Variants in EPM2A observed in about 807,000 individuals in gnomAD.
The protein encoded by EPM2A is EPM2A glucan phosphatase, laforin.
A neutral mutation model predicts 26.5 loss-of-function variants in EPM2A; 21 were observed. That is an observed-to-expected ratio of 0.79 (90% CI 0.56 to 1.14). EPM2A has a LOEUF of 1.14. EPM2A is among the 50% of genes most tolerant of loss of function. The pLI, the probability that EPM2A is intolerant of heterozygous loss-of-function variation, is 0.00. For synonymous variants in EPM2A, 217 were observed against 177.6 expected (o/e 1.22, Z -1.76); for missense variants, 458 against 440.8 (o/e 1.04, Z -0.35).
intron 4 of EPM2A, among the ~76,000 whole-genome samples, chr6:145,388,069 C>G (rs1261842745): frequency 6.6e-6 from 1 of 152,118 alleles, no homozygotes; most frequent in Admixed American, 6.6e-5. Context: ...ATTAAACATA[C>G]ATTTTTTAAA....
chr6:145,536,206 A>G (rs1406940078), intron 2 of EPM2A, among the ~76,000 whole-genome samples: 1 of 151,656 alleles, frequency 6.6e-6, no homozygotes, highest in African/African-American at 2.4e-5. Context: ...TTTCTAGGAT[A>G]AGAAGTTTGA....
At position 145,411,758 on chromosome 6, in the gene EPM2A, C is replaced by T. The variant is rs147355495; in HGVS notation, c.556-27661G>A. Among the ~76,000 whole-genome samples the T allele has an allele frequency of 8.5e-4, 129 of 152,228 alleles. 1 individual carries two copies. The highest frequency in any genetic ancestry group is 2.9e-3 in the African/African-American group (120 of 41,552). On this transcript the variant is annotated intron_variant, in intron 4 of 4. Transcript: ENST00000638717. ...TTACTTTATACTAATACTCAAAGAG[C>T]GTAAGAACATCGCCTAAAACTATTC...
chr6:145,618,828 C>G (rs888587298), intron 2 of EPM2A, among the ~76,000 whole-genome samples: 9 of 152,014 alleles, frequency 5.9e-5, no homozygotes, highest in Non-Finnish European at 1.0e-4. Flanking sequence ...AAACGAGGAG[C>G]CATTGAGGAA....
intron 1 of EPM2A, among the ~76,000 whole-genome samples, chr6:145,706,446 C>T (rs532076565): frequency 6.6e-6 from 1 of 152,166 alleles, no homozygotes; most frequent in Non-Finnish European, 1.5e-5. Context: ...ATTTTTATAG[C>T]TCAATAACAT....
intron 2 of EPM2A, among the ~76,000 whole-genome samples, chr6:145,619,235 CT>C (rs1338640006): frequency 6.6e-6 from 1 of 151,984 alleles, no homozygotes; most frequent in African/African-American, 2.4e-5. Context: ...ATATATAAGC[CT>C]TGTACTCAGA....
chr6:145,403,199 G>A (rs1183026361), intron 4 of EPM2A, among the ~76,000 whole-genome samples: 1 of 152,096 alleles, frequency 6.6e-6, no homozygotes, highest in Non-Finnish European at 1.5e-5. Context: ...CATGGAGAAT[G>A]GGGTATCCAT....
intron 2 of EPM2A, among the ~76,000 whole-genome samples, chr6:145,678,102 C>T (rs1177225276): frequency 1.3e-5 from 2 of 152,182 alleles, no homozygotes; most frequent in Non-Finnish European, 2.9e-5. Context: ...CGGAACACAA[C>T]AGAGGCCTCA....
At chr6:145,672,062 G>C (rs535148780) in intron 2 of EPM2A, among the ~76,000 whole-genome samples, 29 of 152,172 alleles carry the variant, frequency 1.9e-4, no homozygotes, top group Non-Finnish European at 4.0e-4. Flanking sequence ...TATTGAAGAG[G>C]GTGGTGTAGT....
chr6:145,672,713 A>G (rs528349317), intron 2 of EPM2A, among the ~76,000 whole-genome samples: 1 of 152,372 alleles, frequency 6.6e-6, no homozygotes, highest in South Asian at 2.1e-4. Context: ...AAGAAACATC[A>G]CAATAAAAAC....
chr6:145,515,549 A>G (rs1041715462), intron 2 of EPM2A, among the ~76,000 whole-genome samples: 1 of 152,156 alleles, frequency 6.6e-6, no homozygotes, highest in South Asian at 2.1e-4. Context: ...TTCTCACTCT[A>G]ACCTCACATG....
Position 145,608,720 on chromosome 6 carries a change from A to G in EPM2A, c.340+26525T>C, listed in dbSNP as rs150680154. On this transcript the variant is annotated intron_variant, in intron 2 of 3. Coordinates refer to the EPM2A transcript ENST00000450221. ...TTCAAAGAGCCATACACTGTGCTGAAGGAACAGCAATGCAAGCATGCCATG... is the reference window on the plus strand; with the variant it reads ...TTCAAAGAGCCATACACTGTGCTGAGGGAACAGCAATGCAAGCATGCCATG... Among the ~76,000 whole-genome samples, 509 of 152,368 alleles carry G rather than the reference A, an allele frequency of 3.3e-3. 1 individual carries two copies. The highest frequency in any genetic ancestry group is 0.01 in the African/African-American group (429 of 41,592).
chr6:145,581,761 C>A (rs1219568998), intron 2 of EPM2A, among the ~76,000 whole-genome samples: 1 of 152,146 alleles, frequency 6.6e-6, no homozygotes, highest in Admixed American at 6.5e-5. Flanking sequence ...TTCCTCATTA[C>A]TTGTTTTTGT....
At chr6:145,576,807 A>C (rs1781038240) in intron 2 of EPM2A, among the ~76,000 whole-genome samples, 1 of 152,034 alleles carries the variant, frequency 6.6e-6, no homozygotes, top group African/African-American at 2.4e-5. Context: ...TAAAAGACAA[A>C]CCTACAACAA....
At chr6:145,688,901 T>G (rs948590884) in intron 1 of EPM2A, among the ~76,000 whole-genome samples, 1 of 152,228 alleles carries the variant, frequency 6.6e-6, no homozygotes, top group Non-Finnish European at 1.5e-5. Context: ...GGAACTGTCA[T>G]AGTCAACTGT....
chr6:145,386,755 A>T (rs1400117038), intron 4 of EPM2A, among the ~76,000 whole-genome samples: 5 of 152,144 alleles, frequency 3.3e-5, no homozygotes. Flanking sequence ...GAGAGAGATG[A>T]AAAAATGAAA....
At chr6:145,666,755 T>C (rs1257549967) in intron 2 of EPM2A, among the ~76,000 whole-genome samples, 1 of 149,810 alleles carries the variant, frequency 6.7e-6, no homozygotes, top group Non-Finnish European at 1.5e-5. Flanking sequence ...ACTACCTGAC[T>C]TCAAACTATA....
upstream of EPM2A, chr6:145,735,591 GGT>G: frequency 9.2e-7 from 1 of 1,085,212 alleles, no homozygotes; most frequent in Non-Finnish European, 1.1e-6. Context: ...ATTGGGCGGT[GGT>G]GTGGGAGCCC....
intron 2 of EPM2A, 31 bp downstream of exon 2, chr6:145,686,088 ACTT>A (rs1162414875): frequency 6.3e-7 from 1 of 1,578,638 alleles, no homozygotes; most frequent in East Asian, 2.2e-5. Context: ...CTCTTGTCCT[ACTT>A]CTATGCCTAT....
At chr6:145,414,974 C>G (rs147529906) in intron 4 of EPM2A, among the ~76,000 whole-genome samples, 1 of 152,144 alleles carries the variant, frequency 6.6e-6, no homozygotes, top group Non-Finnish European at 1.5e-5. Context: ...CTTTTCCCCC[C>G]GTATCCTACT....
Sources: gnomAD v4.1 joint callset for allele counts (sites outside exome capture counted in the v4.1 genomes callset) on GRCh38, gnomAD v4.1.1 for gene constraint, MANE v1.5 for transcripts, NCBI Gene and HGNC (gene_info 2026-07-23, HGNC 2026-07-21) for gene names.